SEMA3A: variants seen among roughly 807,000 people sequenced by gnomAD.
The protein encoded by SEMA3A is semaphorin 3A.
Under a neutral mutation model 97.9 loss-of-function variants are expected in SEMA3A, and 29 were observed. The observed-to-expected ratio is 0.30, with a 90% CI of 0.22 to 0.40. The LOEUF is 0.40. SEMA3A is among the 10% of genes least tolerant of loss of function. The probability of loss-of-function intolerance (pLI) is 1.00; values close to 1 mark genes in which losing one functional copy is unlikely to be tolerated. For missense variants in SEMA3A, 763 were observed against 951.3 expected, an observed-to-expected ratio of 0.80 and a Z score of 2.60; for synonymous variants, 321 against 323.7, an observed-to-expected ratio of 0.99 and a Z score of 0.09.
chr7:84,039,393 T>C (rs935649924), intron 6 of SEMA3A, among the ~76,000 whole-genome samples: 3 of 152,134 alleles, frequency 2.0e-5, no homozygotes, highest in East Asian at 3.9e-4. Context: ...TCATATATCG[T>C]AGGGTAAGAG....
At chr7:84,289,489 G>A (rs1243450671) in intron 3 of SEMA3A, among the ~76,000 whole-genome samples, 2 of 151,776 alleles carry the variant, frequency 1.3e-5, no homozygotes, top group African/African-American at 2.4e-5. Context: ...CCATAAATAT[G>A]TACAATTATT....
chr7:84,477,145 T>C (rs1806311305), intron 1 of SEMA3A, among the ~76,000 whole-genome samples: 1 of 149,324 alleles, frequency 6.7e-6, no homozygotes, highest in Admixed American at 6.7e-5. Context: ...ACAATTAAAA[T>C]GACTTAAAAT....
rs1438618568 is a variant in SEMA3A, at chr7:84,060,460, C to T, written c.547+5G>A. The T allele has an allele frequency of 3.2e-6, 5 of 1,562,376 alleles. No individual in the cohort carries two copies. The highest frequency in any genetic ancestry group is 2.6e-6 in the Non-Finnish European group (3 of 1,154,528). The stretch of plus-strand genomic sequence containing the variant: ...TCACTATTTAATTGATTGTTGACTA[C>T]GCACCTATTAAAAGGGATGCTGTCA... On this transcript the variant is annotated splice_donor_5th_base_variant and intron_variant, in intron 5 of 16. Transcript: ENST00000265362.
At chr7:84,018,283 C>T (rs1281192661) in intron 6 of SEMA3A, among the ~76,000 whole-genome samples, 1 of 152,102 alleles carries the variant, frequency 6.6e-6, no homozygotes, top group Non-Finnish European at 1.5e-5. Context: ...TAAGGTCTCT[C>T]ACTATGTGGT....
intron 6 of SEMA3A, among the ~76,000 whole-genome samples, chr7:84,044,045 A>G (rs2115569917): frequency 6.6e-6 from 1 of 152,160 alleles, no homozygotes; most frequent in South Asian, 2.1e-4. Flanking sequence ...TTTCTCATGG[A>G]CAGAGAAAGC....
rs578000863 is a variant in SEMA3A at position 84,312,082 on chromosome 7, A to C, written c.-168-4790T>G. On this transcript the variant is annotated intron_variant, in intron 2 of 3. Transcript: ENST00000424555. ...CTGCCTCTAACACAGGCTGAAAATA[A>C]ATGTAATTGGCCATGAATGTGTATG... Among the ~76,000 whole-genome samples, 184 of 152,064 alleles carry C rather than the reference A, an allele frequency of 1.2e-3. 1 individual carries two copies. The highest frequency in any genetic ancestry group is 4.2e-3 in the African/African-American group (174 of 41,560).
At chr7:83,991,855 C>T (rs1476628024) in intron 12 of SEMA3A, among the ~76,000 whole-genome samples, 1 of 143,528 alleles carries the variant, frequency 7.0e-6, no homozygotes, top group African/African-American at 2.7e-5. Flanking sequence ...AGGGAGGATT[C>T]CCTCTTTTTC....
intron 4 of SEMA3A, among the ~76,000 whole-genome samples, chr7:84,074,617 A>C (rs1220671309): frequency 6.6e-6 from 1 of 152,094 alleles, no homozygotes; most frequent in Admixed American, 6.6e-5. Context: ...GAAAGATAAA[A>C]GTTTAAGGAA....
chr7:84,067,665 T>A (rs1294845374), intron 4 of SEMA3A, among the ~76,000 whole-genome samples: 1 of 152,000 alleles, frequency 6.6e-6, no homozygotes, highest in African/African-American at 2.4e-5. Flanking sequence ...AAAAAACACA[T>A]GAAAAAATGC....
intron 3 of SEMA3A, among the ~76,000 whole-genome samples, chr7:84,241,346 T>A (rs899695983): frequency 1.3e-5 from 2 of 152,248 alleles, no homozygotes; most frequent in African/African-American, 4.8e-5. Flanking sequence ...TGCATTTCTC[T>A]AATGACCAGT....
In SEMA3A at chr7:84,033,972, AT is replaced by A. The variant is rs1287296488; in HGVS notation, c.667+12351del. On this transcript the variant is annotated intron_variant, in intron 6 of 16. Coordinates refer to ENST00000265362, the MANE Select transcript of SEMA3A (RefSeq NM_006080.3). ...ATGATAGAATCCTTCAACTTTGGCAATTTTTTGTTTTTAATTTTTTTTTTTT... is the reference window on the plus strand; with the variant it reads ...ATGATAGAATCCTTCAACTTTGGCAATTTTTGTTTTTAATTTTTTTTTTTT... Among the ~76,000 whole-genome samples the A allele has an allele frequency of 7.0e-5, 10 of 143,868 alleles. No individual in the cohort carries two copies. The East Asian group carries it at 9.8e-4, about 14-fold the overall frequency. The allele number at this position is 143,868 out of a possible 152,430, so 94.4% of individuals were successfully genotyped here. A position where few individuals can be genotyped will look rare whatever the true frequency, so the allele number is the denominator to read the frequency against.
intron 1 of SEMA3A, among the ~76,000 whole-genome samples, chr7:84,470,953 A>G (rs1383537428): frequency 6.6e-6 from 1 of 152,114 alleles, no homozygotes; most frequent in African/African-American, 2.4e-5. Flanking sequence ...TGCAACCAGT[A>G]AAGATGGGAA....
At chr7:84,056,630 C>T (rs796247501) in intron 5 of SEMA3A, among the ~76,000 whole-genome samples, 8 of 151,914 alleles carry the variant, frequency 5.3e-5, no homozygotes, top group African/African-American at 1.9e-4. Context: ...GAAACACACA[C>T]ACACACACAT....
chr7:84,356,307 TTATTA>T (rs1802559943), intron 2 of SEMA3A, among the ~76,000 whole-genome samples: 1 of 151,728 alleles, frequency 6.6e-6, no homozygotes, highest in Non-Finnish European at 1.5e-5. Flanking sequence ...AGCTAATTAT[TTATTA>T]TAACTAAATG....
intron 2 of SEMA3A, among the ~76,000 whole-genome samples, chr7:84,360,602 ATTAGCACATTTTTTAC>A (rs903710257): frequency 6.6e-6 from 1 of 152,064 alleles, no homozygotes; most frequent in African/African-American, 2.4e-5. Context: ...TTTTAAAACT[ATTAGCACATTTTTTAC>A]TTACCCAAAG....
chr7:84,156,660 T>G (rs2116147233), intron 1 of SEMA3A, among the ~76,000 whole-genome samples: 1 of 152,252 alleles, frequency 6.6e-6, no homozygotes, highest in East Asian at 1.9e-4. Flanking sequence ...ACAGTGAAGA[T>G]ACACATGTCA....
At chr7:84,150,928 G>A (rs571474178) in intron 1 of SEMA3A, among the ~76,000 whole-genome samples, 1,655 of 149,438 alleles carry the variant, frequency 0.011, 36 homozygotes, top group African/African-American at 0.039. Flanking sequence ...GTGGGTCCCT[G>A]ACCCCTGACC....
intron 15 of SEMA3A, among the ~76,000 whole-genome samples, chr7:83,975,118 G>C (rs1789091332): frequency 1.3e-5 from 2 of 151,996 alleles, no homozygotes; most frequent in Non-Finnish European, 2.9e-5. Context: ...CCAAACCCCA[G>C]TCATTCAATG....
intron 1 of SEMA3A, among the ~76,000 whole-genome samples, chr7:84,163,753 A>C (rs1797117521): frequency 6.6e-6 from 1 of 152,112 alleles, no homozygotes; most frequent in South Asian, 2.1e-4. Context: ...GCTTCCAATT[A>C]AGTCATTTTT....
Sources: allele counts gnomAD v4.1 joint callset (sites outside exome capture counted in the v4.1 genomes callset), GRCh38; gene constraint gnomAD v4.1.1; transcripts MANE v1.5; gene names NCBI Gene and HGNC (gene_info 2026-07-23, HGNC 2026-07-21).